The following KHDRBS2 variants were observed in gnomAD, a reference collection of about 807,000 sequenced individuals.
The protein encoded by KHDRBS2 is KH RNA binding domain containing, signal transduction associated 2, also known as KH domain-containing, RNA-binding, signal transduction-associated protein 2.
In KHDRBS2, 26 loss-of-function variants were observed where a neutral mutation model predicts 44.3. The observed-to-expected ratio is 0.59, with a 90% CI of 0.43 to 0.81. The LOEUF (loss-of-function observed/expected upper bound fraction) is 0.81. KHDRBS2 is among the 40% of genes least tolerant of loss of function. The pLI is 0.00. For synonymous variants in KHDRBS2, 194 were observed against 151.1 expected, an observed-to-expected ratio of 1.28 and a Z score of -2.08; for missense variants, 476 against 433.1, an observed-to-expected ratio of 1.10 and a Z score of -0.88.
chr6:61,638,388 G>T, the KHDRBS2 span, among the ~76,000 whole-genome samples: 4 of 152,004 alleles, frequency 2.6e-5, no homozygotes, highest in Admixed American at 6.6e-5. Context: ...ACAAATCTGA[G>T]AAAAACAAGC....
intron 6 of KHDRBS2, among the ~76,000 whole-genome samples, chr6:61,792,268 C>A (rs1784735441): frequency 6.6e-6 from 1 of 151,454 alleles, no homozygotes; most frequent in Non-Finnish European, 1.5e-5. Flanking sequence ...TTTATATTAA[C>A]TTATATTCAT....
intron 4 of KHDRBS2, among the ~76,000 whole-genome samples, chr6:61,965,466 T>G (rs1420161009): frequency 1.3e-5 from 2 of 152,048 alleles, no homozygotes; most frequent in Non-Finnish European, 2.9e-5. Context: ...CATTATTCCC[T>G]ACAGTTTCTT....
the KHDRBS2 span, among the ~76,000 whole-genome samples, chr6:61,639,790 T>C: frequency 6.6e-6 from 1 of 152,080 alleles, no homozygotes; most frequent in Admixed American, 6.6e-5. Flanking sequence ...GAATGAGTTA[T>C]GATAGTTATG....
intron 6 of KHDRBS2, among the ~76,000 whole-genome samples, chr6:61,848,650 A>G (rs1795009173): frequency 7.1e-6 from 1 of 140,052 alleles, no homozygotes; most frequent in African/African-American, 2.6e-5. Context: ...TCTTCAATGC[A>G]CTATATCTCA....
At chr6:62,217,538 A>C (rs557799603) in intron 1 of KHDRBS2, among the ~76,000 whole-genome samples, 1 of 151,954 alleles carries the variant, frequency 6.6e-6, no homozygotes, top group Admixed American at 6.6e-5. Context: ...GTGATTTATA[A>C]ATTAGCAAAA....
the KHDRBS2 span, chr6:61,574,399 A>T: frequency 2.6e-6 from 4 of 1,523,858 alleles, no homozygotes; most frequent in African/African-American, 4.1e-5. Flanking sequence ...AGAGGCGGAC[A>T]TAATACAACA....
At chr6:62,232,600 C>A (rs1357938145) in intron 1 of KHDRBS2, among the ~76,000 whole-genome samples, 1 of 152,046 alleles carries the variant, frequency 6.6e-6, no homozygotes, top group Non-Finnish European at 1.5e-5. Flanking sequence ...TTAAAATATG[C>A]AAATGTACCT....
intron 1 of KHDRBS2, among the ~76,000 whole-genome samples, chr6:62,276,430 C>G (rs1466196328): frequency 6.6e-6 from 1 of 152,122 alleles, no homozygotes. Context: ...GTAAGCAGTT[C>G]TCTAAAAAAT....
chr6:62,201,059 G>C (rs1425792439), intron 1 of KHDRBS2, among the ~76,000 whole-genome samples: 3 of 152,100 alleles, frequency 2.0e-5, no homozygotes, highest in Non-Finnish European at 4.4e-5. Context: ...CACAGGAAGG[G>C]GAGCATCACA....
At chr6:61,885,911 A>G (rs1384636877) in intron 6 of KHDRBS2, among the ~76,000 whole-genome samples, 2 of 152,078 alleles carry the variant, frequency 1.3e-5, no homozygotes, top group Non-Finnish European at 2.9e-5. Context: ...TCCTGTGTAC[A>G]AACATAACTT....
intron 2 of KHDRBS2, among the ~76,000 whole-genome samples, chr6:62,149,480 A>G (rs536614152): frequency 6.6e-6 from 1 of 152,150 alleles, no homozygotes; most frequent in Admixed American, 6.5e-5. Context: ...GTCCATCCAT[A>G]CTGTACTGTA....
At chr6:62,246,354 C>CA (rs1251665090) in intron 1 of KHDRBS2, among the ~76,000 whole-genome samples, 11 of 151,692 alleles carry the variant, frequency 7.3e-5, no homozygotes, top group African/African-American at 2.7e-4. Context: ...ATTTTCTCTG[C>CA]CAACATATAT....
chr6:61,613,317 G>A, the KHDRBS2 span, among the ~76,000 whole-genome samples: 1 of 152,196 alleles, frequency 6.6e-6, no homozygotes, highest in African/African-American at 2.4e-5. Flanking sequence ...ATATTTCCTG[G>A]ATGCTTAAGT....
At chr6:62,164,029 C>G (rs557678355) in intron 2 of KHDRBS2, among the ~76,000 whole-genome samples, 26 of 151,950 alleles carry the variant, frequency 1.7e-4, no homozygotes, top group Admixed American at 1.3e-3. Flanking sequence ...ATAAAACGTG[C>G]ATTTTTTTTC....
intron 2 of KHDRBS2, among the ~76,000 whole-genome samples, chr6:62,108,078 G>A (rs1803941183): frequency 6.6e-6 from 1 of 152,232 alleles, no homozygotes; most frequent in Middle Eastern, 3.4e-3. Context: ...GGCAACAAAA[G>A]GCAAAATGGA....
chr6:62,166,303 G>A (rs980583653), intron 2 of KHDRBS2, among the ~76,000 whole-genome samples: 1 of 151,858 alleles, frequency 6.6e-6, no homozygotes, highest in African/African-American at 2.4e-5. Context: ...CTCAACACTT[G>A]GTAATATTTT....
chr6:61,880,444 T>A (rs994786234), intron 6 of KHDRBS2, among the ~76,000 whole-genome samples: 1 of 151,904 alleles, frequency 6.6e-6, no homozygotes, highest in South Asian at 2.1e-4. Context: ...GTTGTCTGGA[T>A]CTTAAGTGTA....
chr6:61,563,976 C>T, the KHDRBS2 span, among the ~76,000 whole-genome samples: 2 of 151,976 alleles, frequency 1.3e-5, no homozygotes, highest in Non-Finnish European at 2.9e-5. Flanking sequence ...TTTATTAGTG[C>T]CAGTAGTCCA....
chr6:62,047,297 T>A (rs773272542), intron 3 of KHDRBS2, among the ~76,000 whole-genome samples: 7 of 151,972 alleles, frequency 4.6e-5, no homozygotes, highest in Non-Finnish European at 8.8e-5. Flanking sequence ...AGAAATAATG[T>A]AGTACAGATG....
Sources: gnomAD v4.1 joint callset for allele counts (sites outside exome capture counted in the v4.1 genomes callset) on GRCh38, gnomAD v4.1.1 for gene constraint, MANE v1.5 for transcripts, NCBI Gene and HGNC (gene_info 2026-07-23, HGNC 2026-07-21) for gene names.